The following LSAMP variants were observed in gnomAD, a reference collection of about 807,000 sequenced individuals.
LSAMP encodes the protein limbic system associated membrane protein.
LSAMP carries 7 observed loss-of-function variants against 38.6 expected under a neutral mutation model. The ratio of observed to expected loss-of-function variants is 0.18; its 90% CI spans 0.10 to 0.34. LSAMP has a LOEUF of 0.34. Ranked by LOEUF, LSAMP falls within the 10% of genes least tolerant of loss-of-function variation. The pLI, the probability that LSAMP is intolerant of heterozygous loss-of-function variation, is 1.00. For synonymous variants in LSAMP, 154 were observed against 166.8 expected (o/e 0.92, Z 0.59); for missense variants, 313 against 420.0 (o/e 0.75, Z 2.23).
intron 3 of LSAMP, among the ~76,000 whole-genome samples, chr3:116,003,243 C>G (rs947340606): frequency 6.6e-6 from 1 of 152,170 alleles, no homozygotes; most frequent in Non-Finnish European, 1.5e-5. Context: ...GTAGGTTAGC[C>G]TACTTCCTAA....
chr3:115,814,026 A>T (rs1433713464), intron 6 of LSAMP: 1 of 152,214 alleles, frequency 6.6e-6, no homozygotes, highest in Non-Finnish European at 1.5e-5. Flanking sequence ...TTTAGTATCC[A>T]ATCCATTCTA....
At chr3:116,320,416 A>C (rs1279892799) in intron 1 of LSAMP, among the ~76,000 whole-genome samples, 1 of 151,988 alleles carries the variant, frequency 6.6e-6, no homozygotes, top group East Asian at 1.9e-4. Flanking sequence ...CTGTCTCAGA[A>C]AATAATAATA....
intron 1 of LSAMP, among the ~76,000 whole-genome samples, chr3:116,193,312 T>TG (rs1559777368): frequency 6.6e-6 from 1 of 152,190 alleles, no homozygotes; most frequent in Non-Finnish European, 1.5e-5. Flanking sequence ...CTGGAGGACT[T>TG]GAGCTCATTC....
intron 3 of LSAMP, among the ~76,000 whole-genome samples, chr3:115,911,335 G>A (rs1299603997): frequency 6.6e-6 from 1 of 152,112 alleles, no homozygotes; most frequent in Non-Finnish European, 1.5e-5. Context: ...GAATAAAGTT[G>A]CTATATACAC....
intron 3 of LSAMP, among the ~76,000 whole-genome samples, chr3:116,006,641 AG>A (rs1940169724): frequency 1.3e-5 from 2 of 152,280 alleles, no homozygotes; most frequent in African/African-American, 4.8e-5. Context: ...TGACTCCAAA[AG>A]TAAGCCTGTC....
At chr3:116,400,636 A>G (rs955955101) in intron 1 of LSAMP, among the ~76,000 whole-genome samples, 1 of 151,714 alleles carries the variant, frequency 6.6e-6, no homozygotes, top group African/African-American at 2.4e-5. Context: ...TGCCACCACA[A>G]CTTGTTAATT....
chr3:116,385,658 G>A (rs1033713208), intron 1 of LSAMP, among the ~76,000 whole-genome samples: 4 of 152,090 alleles, frequency 2.6e-5, no homozygotes, highest in East Asian at 1.9e-4. Flanking sequence ...AGAGACTCTT[G>A]TAAGTCACCC....
At chr3:115,989,813 A>G (rs1255086318) in intron 3 of LSAMP, among the ~76,000 whole-genome samples, 1 of 152,080 alleles carries the variant, frequency 6.6e-6, no homozygotes, top group African/African-American at 2.4e-5. Flanking sequence ...AGCCATTGCT[A>G]TTATTAATGA....
chr3:115,867,042 T>G (rs1935882253), intron 3 of LSAMP, among the ~76,000 whole-genome samples: 1 of 151,832 alleles, frequency 6.6e-6, no homozygotes, highest in South Asian at 2.1e-4. Flanking sequence ...ATAAATTCAT[T>G]TTACACAATG....
intron 1 of LSAMP, among the ~76,000 whole-genome samples, chr3:116,296,379 C>A (rs1267250115): frequency 6.6e-6 from 1 of 152,102 alleles, no homozygotes; most frequent in African/African-American, 2.4e-5. Flanking sequence ...GAGTGTCCAA[C>A]AGGGTTCTTC....
At chr3:116,143,178 C>A (rs1230288933) in intron 1 of LSAMP, among the ~76,000 whole-genome samples, 1 of 151,766 alleles carries the variant, frequency 6.6e-6, no homozygotes, top group Non-Finnish European at 1.5e-5. Flanking sequence ...GCCTTACAGG[C>A]ATAGTTCCTA....
At chr3:115,820,876 G>T (rs566915382) in intron 6 of LSAMP, among the ~76,000 whole-genome samples, 36 of 152,154 alleles carry the variant, frequency 2.4e-4, no homozygotes, top group African/African-American at 7.9e-4. Context: ...ATTATTCTTG[G>T]GAATTCACAG....
chr3:115,831,440 G>A (rs776513997), intron 6 of LSAMP, among the ~76,000 whole-genome samples: 6 of 152,132 alleles, frequency 3.9e-5, no homozygotes, highest in South Asian at 2.1e-4. Context: ...CTTGTTTCAC[G>A]TCTTTTTAAT....
intron 1 of LSAMP, among the ~76,000 whole-genome samples, chr3:116,302,228 T>C (rs13089698): frequency 0.1 from 15,946 of 152,282 alleles, 1,494 homozygotes; most frequent in African/African-American, 0.25. Context: ...TTTCAGAGAA[T>C]GTTGCTTTCC....
chr3:116,212,374 A>G (rs2046169247), intron 1 of LSAMP, among the ~76,000 whole-genome samples: 1 of 152,176 alleles, frequency 6.6e-6, no homozygotes, highest in Non-Finnish European at 1.5e-5. Context: ...GTTTCCTGAT[A>G]AAGATCAGAT....
At chr3:115,907,636 C>T (rs1937040199) in intron 3 of LSAMP, among the ~76,000 whole-genome samples, 1 of 151,984 alleles carries the variant, frequency 6.6e-6, no homozygotes, top group Admixed American at 6.6e-5. Context: ...CCCATCTGAC[C>T]CTGCATGAAA....
chr3:115,984,689 T>C (rs370018604), intron 3 of LSAMP, among the ~76,000 whole-genome samples: 35 of 152,292 alleles, frequency 2.3e-4, no homozygotes, highest in African/African-American at 7.9e-4. Flanking sequence ...CTAATGATAA[T>C]GGTAAGTAAT....
chr3:115,850,969 C>G (rs954270415), intron 4 of LSAMP, among the ~76,000 whole-genome samples: 10 of 122,946 alleles, frequency 8.1e-5, no homozygotes, highest in Non-Finnish European at 1.5e-4. Flanking sequence ...AAATCTCTCT[C>G]TCTCTCTCTC....
At chr3:116,041,327 A>C (rs1941165884) in intron 2 of LSAMP, among the ~76,000 whole-genome samples, 1 of 152,174 alleles carries the variant, frequency 6.6e-6, no homozygotes, top group Non-Finnish European at 1.5e-5. Flanking sequence ...TGAATTGCAC[A>C]GTTGCTTGTT....
Sources: allele counts gnomAD v4.1 joint callset (sites outside exome capture counted in the v4.1 genomes callset), GRCh38; gene constraint gnomAD v4.1.1; transcripts MANE v1.5; gene names NCBI Gene and HGNC (gene_info 2026-07-23, HGNC 2026-07-21).